Variants in STAC observed in about 807,000 individuals in gnomAD.
STAC encodes SH3 and cysteine rich domain, also known as SH3 and cysteine-rich domain-containing protein.
A neutral mutation model predicts 48.8 loss-of-function variants in STAC; 43 were observed. The observed-to-expected ratio is 0.88, with a 90% CI of 0.69 to 1.14. The LOEUF is 1.14. Ranked by LOEUF, STAC falls within the 50% of genes most tolerant of loss-of-function variation. The pLI is 0.00. For missense variants in STAC, 497 were observed against 504.0 expected (o/e 0.99, Z 0.13); for synonymous variants, 193 against 179.5 (o/e 1.07, Z -0.60).
intron 8 of STAC, among the ~76,000 whole-genome samples, chr3:36,518,405 T>G (rs534582850): frequency 1.3e-5 from 2 of 152,272 alleles, no homozygotes; most frequent in African/African-American, 4.8e-5. Context: ...AATGGCCATT[T>G]TTCATAAGGG....
intron 4 of STAC, 91 bp from the exon 5 acceptor site, chr3:36,486,043 C>A: frequency 1.1e-6 from 1 of 941,356 alleles, no homozygotes; most frequent in Non-Finnish European, 1.7e-6. Flanking sequence ...GAGCCTGCTT[C>A]TCAGGCGCTG....
chr3:36,527,537 GA>G (rs1290049445), intron 8 of STAC, among the ~76,000 whole-genome samples: 1 of 151,896 alleles, frequency 6.6e-6, no homozygotes, highest in African/African-American at 2.4e-5. Flanking sequence ...ATAAAATTGA[GA>G]AAAAAATTTA....
At chr3:36,473,737 A>G (rs1015336098) in intron 2 of STAC, among the ~76,000 whole-genome samples, 1 of 152,218 alleles carries the variant, frequency 6.6e-6, no homozygotes, top group Non-Finnish European at 1.5e-5. Context: ...TTATACATAG[A>G]GGTTTTAAAA....
At chr3:36,502,473 T>C (rs1698303612) in intron 6 of STAC, among the ~76,000 whole-genome samples, 1 of 152,198 alleles carries the variant, frequency 6.6e-6, no homozygotes, top group African/African-American at 2.4e-5. Flanking sequence ...CAGCAAAGTT[T>C]ACAAAGATGA....
intron 2 of STAC, among the ~76,000 whole-genome samples, chr3:36,444,427 A>G (rs1416884760): frequency 6.6e-6 from 1 of 152,112 alleles, no homozygotes; most frequent in African/African-American, 2.4e-5. Context: ...GCTGATCCAG[A>G]CTCAGCTTTG....
chr3:36,431,016 C>T (rs1284011702), intron 1 of STAC, among the ~76,000 whole-genome samples: 3 of 152,092 alleles, frequency 2.0e-5, no homozygotes, highest in Non-Finnish European at 2.9e-5. Context: ...TAGCAAATAC[C>T]CACTATTTGC....
chr3:36,504,908 T>C (rs953407898), intron 7 of STAC, among the ~76,000 whole-genome samples: 2 of 151,992 alleles, frequency 1.3e-5, no homozygotes, highest in South Asian at 4.1e-4. Context: ...TGTATTTATA[T>C]TAGTATATAG....
intron 6 of STAC, among the ~76,000 whole-genome samples, chr3:36,496,504 CTAT>C (rs964874420): frequency 2.6e-5 from 4 of 152,160 alleles, no homozygotes; most frequent in African/African-American, 9.7e-5. Flanking sequence ...TTCCAGCCAG[CTAT>C]TATGTCAAAT....
chr3:36,423,953 A>AT (rs913967432), intron 1 of STAC, among the ~76,000 whole-genome samples: 3 of 151,976 alleles, frequency 2.0e-5, no homozygotes, highest in Non-Finnish European at 4.4e-5. Flanking sequence ...CTATATTTTA[A>AT]TTTTTTTCTC....
chr3:36,541,841 C>T (rs1699334991), intron 10 of STAC, among the ~76,000 whole-genome samples: 2 of 152,192 alleles, frequency 1.3e-5, no homozygotes, highest in African/African-American at 2.4e-5. Context: ...CTCTGCTCTG[C>T]ATATGCTGCA....
rs762406831 is a variant in STAC at position 36,443,922 on chromosome 3, G to A, written c.388+282G>A. 1.3e-5 allele frequency among the ~76,000 whole-genome samples: 2 copies of A among 152,136 alleles called. No homozygotes were observed. The highest frequency in any genetic ancestry group is 2.9e-5 in the Non-Finnish European group (2 of 68,028). On this transcript the variant is annotated intron_variant, in intron 2 of 10. Transcript: ENST00000273183. The surrounding 1 kb of genome is among the most constrained non-coding windows in gnomAD (Gnocchi z 4.2). ...TTAGCGTGTTCTTGCATTGAGGCTCGAGGTCTGGGTCTTTGAACACCTGCA... is the reference window on the plus strand; with the variant it reads ...TTAGCGTGTTCTTGCATTGAGGCTCAAGGTCTGGGTCTTTGAACACCTGCA...
At chr3:36,381,174 G>A (rs1699503045) in intron 1 of STAC, among the ~76,000 whole-genome samples, 2 of 152,016 alleles carry the variant, frequency 1.3e-5, no homozygotes, top group Admixed American at 1.3e-4. Context: ...GTATCCCAAG[G>A]GTCTCAGAGA....
chr3:36,537,727 A>G (rs1228595486), intron 10 of STAC, among the ~76,000 whole-genome samples: 1 of 152,170 alleles, frequency 6.6e-6, no homozygotes, highest in African/African-American at 2.4e-5. Context: ...AAAATTTTTA[A>G]AAAGAAAACA....
chr3:36,502,033 C>T (rs1698293912), intron 6 of STAC, among the ~76,000 whole-genome samples: 1 of 152,088 alleles, frequency 6.6e-6, no homozygotes, highest in Admixed American at 6.6e-5. Context: ...TAACTTGCTG[C>T]ATTACTAGGT....
Position 36,387,486 on chromosome 3 carries a change from C to T in STAC, c.111+6732C>T, listed in dbSNP as rs1699642603. ...CCCATTCAACATTAATTACTAATTC[C>T]CCATCCCCTTCTTTCCCCAGTCTCT... is the stretch of plus-strand genomic sequence containing the variant. On this transcript the variant is annotated intron_variant, in intron 1 of 10. Transcript: ENST00000273183. Among the ~76,000 whole-genome samples, 4 of 152,034 alleles carry T rather than the reference C, an allele frequency of 2.6e-5. No individual in the cohort carries two copies. The South Asian group carries it at 8.3e-4, about 31-fold the overall frequency.
chr3:36,471,542 G>A (rs1038679576), intron 2 of STAC, among the ~76,000 whole-genome samples: 13 of 152,334 alleles, frequency 8.5e-5, no homozygotes, highest in Admixed American at 8.5e-4. Context: ...TTCCGCCTAT[G>A]AGCCTGTAAA....
intron 1 of STAC, among the ~76,000 whole-genome samples, chr3:36,401,159 T>C (rs1208235643): frequency 6.6e-6 from 1 of 152,188 alleles, no homozygotes; most frequent in Non-Finnish European, 1.5e-5. Flanking sequence ...GGAGTCACTT[T>C]TTGTGGAAAA....
chr3:36,492,443 C>T (rs751904018), intron 5 of STAC, among the ~76,000 whole-genome samples: 18 of 152,250 alleles, frequency 1.2e-4, no homozygotes, highest in South Asian at 4.1e-4. Context: ...TGATTCTCTC[C>T]GGGCTTCAGA....
intron 8 of STAC, among the ~76,000 whole-genome samples, chr3:36,523,703 G>A (rs956078790): frequency 1.3e-5 from 2 of 152,188 alleles, no homozygotes; most frequent in African/African-American, 2.4e-5. Context: ...AGCCACAGAA[G>A]CATGAAACAA....
Sources: allele counts gnomAD v4.1 joint callset (sites outside exome capture counted in the v4.1 genomes callset), GRCh38; gene constraint gnomAD v4.1.1; non-coding constraint Gnocchi (gnomAD v3.1); transcripts MANE v1.5; gene names NCBI Gene and HGNC (gene_info 2026-07-23, HGNC 2026-07-21).